The following IMMP2L variants were observed in gnomAD, a reference collection of about 807,000 sequenced individuals.
IMMP2L encodes the protein inner mitochondrial membrane peptidase subunit 2.
IMMP2L carries 18 observed loss-of-function variants against 19.3 expected under a neutral mutation model. That is an observed-to-expected ratio of 0.93 (90% CI 0.64 to 1.38). The LOEUF (loss-of-function observed/expected upper bound fraction) is 1.38, where lower values mean the gene tolerates loss of function less well. Ranked by LOEUF, IMMP2L falls within the 40% of genes most tolerant of loss-of-function variation. The pLI, the probability that IMMP2L is intolerant of heterozygous loss-of-function variation, is 0.00. For missense variants in IMMP2L, 233 were observed against 218.2 expected (o/e 1.07, Z -0.43); for synonymous variants, 76 against 73.0 (o/e 1.04, Z -0.21).
chr7:110,667,025 C>T (rs1038223809), intron 5 of IMMP2L, among the ~76,000 whole-genome samples: 6 of 152,136 alleles, frequency 3.9e-5, no homozygotes, highest in African/African-American at 1.4e-4. Flanking sequence ...GCACCAGCCA[C>T]CACGCCCAGC....
chr7:111,279,470 C>A (rs1222673391), intron 3 of IMMP2L, among the ~76,000 whole-genome samples: 1 of 152,084 alleles, frequency 6.6e-6, no homozygotes, highest in Non-Finnish European at 1.5e-5. Context: ...ACAGAGAAGA[C>A]CATGTGAAGA....
chr7:111,547,949 C>T (rs999130079), intron 1 of IMMP2L, among the ~76,000 whole-genome samples: 1 of 151,948 alleles, frequency 6.6e-6, no homozygotes. Context: ...CTCAAACTCC[C>T]AGACTCAAGT....
chr7:110,668,786 T>A (rs1195786717), intron 5 of IMMP2L, among the ~76,000 whole-genome samples: 1 of 132,596 alleles, frequency 7.5e-6, no homozygotes, highest in African/African-American at 3.1e-5. Context: ...TTCTTTTTTT[T>A]AATATTGAGA....
At chr7:111,120,680 C>T (rs1800490602) in intron 3 of IMMP2L, among the ~76,000 whole-genome samples, 1 of 152,178 alleles carries the variant, frequency 6.6e-6, no homozygotes. Flanking sequence ...CACACAGGTA[C>T]ATCTACAGCA....
intron 3 of IMMP2L, among the ~76,000 whole-genome samples, chr7:111,305,037 A>G (rs1297665372): frequency 1.3e-5 from 2 of 152,076 alleles, no homozygotes; most frequent in Non-Finnish European, 2.9e-5. Flanking sequence ...TGAAATAAGA[A>G]AACTCTTTGA....
At chr7:111,529,364 T>A (rs1463410831) in intron 1 of IMMP2L, among the ~76,000 whole-genome samples, 2 of 152,188 alleles carry the variant, frequency 1.3e-5, no homozygotes, top group East Asian at 3.8e-4. Flanking sequence ...TGGAAGCAGA[T>A]CCTGGCAAGT....
chr7:111,320,550 C>G (rs1377829347), intron 3 of IMMP2L, among the ~76,000 whole-genome samples: 1 of 152,172 alleles, frequency 6.6e-6, no homozygotes, highest in East Asian at 1.9e-4. Context: ...CAAGTCCAAA[C>G]TCTTTAACAC....
intron 3 of IMMP2L, among the ~76,000 whole-genome samples, chr7:111,084,577 A>T (rs985256687): frequency 2.6e-5 from 4 of 152,174 alleles, no homozygotes; most frequent in Non-Finnish European, 2.9e-5. Flanking sequence ...ATATTATCTA[A>T]GAGAGCATAT....
At chr7:111,010,255 G>C (rs1824795405) in intron 3 of IMMP2L, among the ~76,000 whole-genome samples, 2 of 152,008 alleles carry the variant, frequency 1.3e-5, no homozygotes, top group Non-Finnish European at 2.9e-5. Context: ...AAATATAAAT[G>C]CTTTCATTAA....
intron 3 of IMMP2L, among the ~76,000 whole-genome samples, chr7:111,389,884 A>C: frequency 6.6e-6 from 1 of 152,188 alleles, no homozygotes; most frequent in East Asian, 1.9e-4. Flanking sequence ...AGGGCACTAA[A>C]CAAATAAAAT....
At chr7:110,983,817 G>T (rs143979809) in intron 3 of IMMP2L, among the ~76,000 whole-genome samples, 11 of 151,984 alleles carry the variant, frequency 7.2e-5, no homozygotes, top group Non-Finnish European at 1.5e-4. Flanking sequence ...ATGGGAAAAA[G>T]GCTATTCCTC....
intron 3 of IMMP2L, among the ~76,000 whole-genome samples, chr7:111,131,021 AAAATTACATAT>A (rs2129593801): frequency 6.6e-6 from 1 of 152,186 alleles, no homozygotes; most frequent in East Asian, 1.9e-4. Flanking sequence ...GATTTTAAAA[AAAATTACATAT>A]AAAATGCATG....
intron 3 of IMMP2L, among the ~76,000 whole-genome samples, chr7:111,266,131 T>G (rs934124398): frequency 4.6e-5 from 7 of 152,352 alleles, no homozygotes; most frequent in Middle Eastern, 3.4e-3. Context: ...GAATATAATG[T>G]AATATTTATG....
intron 3 of IMMP2L, among the ~76,000 whole-genome samples, chr7:111,266,172 T>G (rs1174678079): frequency 6.6e-6 from 1 of 152,172 alleles, no homozygotes; most frequent in Non-Finnish European, 1.5e-5. Context: ...TCTACAAACA[T>G]AAGTAATAAC....
intron 3 of IMMP2L, among the ~76,000 whole-genome samples, chr7:111,278,606 G>T (rs1267787334): frequency 2.6e-5 from 4 of 152,076 alleles, no homozygotes; most frequent in Non-Finnish European, 5.9e-5. Flanking sequence ...TCAGTAATAA[G>T]GCATGATTTA....
intron 5 of IMMP2L, among the ~76,000 whole-genome samples, chr7:110,821,922 C>CA (rs916914301): frequency 1.9e-4 from 29 of 151,046 alleles, no homozygotes; most frequent in Admixed American, 4.6e-4. Context: ...ACTCTTGTCT[C>CA]AAAAAAAAGG....
At chr7:111,188,646 G>A (rs977507423) in intron 3 of IMMP2L, among the ~76,000 whole-genome samples, 1 of 152,018 alleles carries the variant, frequency 6.6e-6, no homozygotes, top group African/African-American at 2.4e-5. Flanking sequence ...GCAGTTTAAG[G>A]AAGTAATTTG....
intron 4 of IMMP2L, among the ~76,000 whole-genome samples, chr7:110,918,792 C>T (rs190530852): frequency 7.4e-4 from 113 of 152,212 alleles, no homozygotes; most frequent in African/African-American, 2.6e-3. Context: ...CTCTTCCTTA[C>T]ATCGCTCTTC....
At chr7:111,537,022 C>G (rs1847947857) in intron 1 of IMMP2L, among the ~76,000 whole-genome samples, 1 of 152,058 alleles carries the variant, frequency 6.6e-6, no homozygotes, top group Non-Finnish European at 1.5e-5. Flanking sequence ...GAATCAACAT[C>G]TCTTCTTTTG....
Sources: allele counts gnomAD v4.1 joint callset (sites outside exome capture counted in the v4.1 genomes callset), GRCh38; gene constraint gnomAD v4.1.1; transcripts MANE v1.5; gene names NCBI Gene and HGNC (gene_info 2026-07-23, HGNC 2026-07-21).